The following GUCA1C variants were observed in gnomAD, a reference collection of about 807,000 sequenced individuals.
The protein encoded by GUCA1C is guanylate cyclase activator 1C.
GUCA1C carries 15 observed loss-of-function variants against 16.2 expected under a neutral mutation model. That is an observed-to-expected ratio of 0.93 (90% CI 0.62 to 1.43). The LOEUF (loss-of-function observed/expected upper bound fraction) is 1.43. Among genes scored for constraint, GUCA1C ranks in the 40% most tolerant of loss-of-function variants. The probability of loss-of-function intolerance (pLI) is 0.00; values close to 1 mark genes in which losing one functional copy is unlikely to be tolerated. For synonymous variants in GUCA1C, 78 were observed against 85.4 expected (o/e 0.91, Z 0.48); for missense variants, 275 against 244.8 (o/e 1.12, Z -0.82).
chr3:108,921,833 C>T (rs2107286223), intron 1 of GUCA1C, among the ~76,000 whole-genome samples: 1 of 152,118 alleles, frequency 6.6e-6, no homozygotes, highest in African/African-American at 2.4e-5. Flanking sequence ...CATTTGGTTA[C>T]ATGAATACGT....
chr3:108,914,084 T>C (rs902289386), intron 3 of GUCA1C, among the ~76,000 whole-genome samples: 14 of 152,132 alleles, frequency 9.2e-5, no homozygotes, highest in South Asian at 2.1e-4. Flanking sequence ...ATAATAATAG[T>C]AATACAAGTT....
intron 3 of GUCA1C, among the ~76,000 whole-genome samples, chr3:108,908,922 T>C (rs1433119939): frequency 6.6e-6 from 1 of 152,078 alleles, no homozygotes; most frequent in African/African-American, 2.4e-5. Context: ...GGATTATGAG[T>C]GTGTTCAAGT....
chr3:108,951,204 G>A (rs1356478644), intron 1 of GUCA1C, among the ~76,000 whole-genome samples: 1 of 152,024 alleles, frequency 6.6e-6, no homozygotes, highest in Non-Finnish European at 1.5e-5. Flanking sequence ...AACAAGTCTG[G>A]AGATTCATCA....
chr3:108,912,110 A>AATG (rs1946462001), intron 3 of GUCA1C, among the ~76,000 whole-genome samples: 3 of 146,378 alleles, frequency 2.0e-5, no homozygotes, highest in Non-Finnish European at 3.0e-5. Context: ...TCTCAATAAT[A>AATG]ATAATAATAA....
intron 1 of GUCA1C, among the ~76,000 whole-genome samples, chr3:108,944,812 G>A (rs1946827425): frequency 2.0e-5 from 3 of 152,182 alleles, no homozygotes; most frequent in South Asian, 2.1e-4. Context: ...GCCCGTTCTA[G>A]GGAAATGTGG....
intron 1 of GUCA1C, among the ~76,000 whole-genome samples, chr3:108,921,470 T>A (rs993322016): frequency 2.6e-5 from 4 of 152,194 alleles, no homozygotes; most frequent in African/African-American, 9.7e-5. Flanking sequence ...TCAGGGGATT[T>A]GGATGATATG....
chr3:108,950,410 C>G (rs1380631474), intron 1 of GUCA1C, among the ~76,000 whole-genome samples: 1 of 152,050 alleles, frequency 6.6e-6, no homozygotes, highest in Non-Finnish European at 1.5e-5. Flanking sequence ...GATATATACC[C>G]AGAAGTGAGA....
Position 108,916,154 on chromosome 3 carries a change from A to T in GUCA1C, c.415T>A (p.Phe139Ile). 3 of 1,613,112 alleles carry T rather than the reference A, an allele frequency of 1.9e-6. No individual in the cohort carries two copies. The highest frequency in any genetic ancestry group is 2.5e-6 in the Non-Finnish European group (3 of 1,179,094). Reference protein sequence around the residue: ...LSPEEFINLVFHKIDINNDGE... With the variant: ...LSPEEFINLVIHKIDINNDGE... ...TCATTGTTTATATCGATCTTATGGA[A>T]CACCAAGTTGATGAATTCTTCAGGA... Residue 139 changes from phenylalanine (F) to isoleucine (I), a missense_variant, in exon 3 of 4, where the codon TTC becomes ATC. Physicochemically the swap from Phe to Ile is conservative, Grantham distance 21 (BLOSUM62 0). Transcript: ENST00000261047.
At chr3:108,946,631 G>T (rs1004687170) in intron 1 of GUCA1C, among the ~76,000 whole-genome samples, 2 of 152,060 alleles carry the variant, frequency 1.3e-5, no homozygotes, top group African/African-American at 4.8e-5. Context: ...ATCTATTTAC[G>T]TTTCTATAGC....
intron 3 of GUCA1C, among the ~76,000 whole-genome samples, chr3:108,911,934 C>T (rs564226410): frequency 7.5e-4 from 114 of 151,908 alleles, no homozygotes; most frequent in African/African-American, 2.7e-3. Flanking sequence ...GGTGAAACCC[C>T]GTTTCTACTA....
At chr3:108,926,540 G>T (rs972303768) in intron 1 of GUCA1C, among the ~76,000 whole-genome samples, 1 of 152,224 alleles carries the variant, frequency 6.6e-6, no homozygotes, top group Non-Finnish European at 1.5e-5. Context: ...GAGTGCAGTG[G>T]CGTAATCTCA....
intron 1 of GUCA1C, among the ~76,000 whole-genome samples, chr3:108,932,784 G>T (rs1424747584): frequency 1.3e-5 from 2 of 152,022 alleles, no homozygotes; most frequent in Non-Finnish European, 2.9e-5. Context: ...AGCCGGGCGT[G>T]GCGGCGCATG....
chr3:108,934,304 C>G (rs145030340), intron 1 of GUCA1C, among the ~76,000 whole-genome samples: 1 of 152,150 alleles, frequency 6.6e-6, no homozygotes, highest in Non-Finnish European at 1.5e-5. Context: ...TGTAACAAAC[C>G]TGCATGCTTT....
At chr3:108,938,019 G>A (rs768315619) in intron 1 of GUCA1C, among the ~76,000 whole-genome samples, 5 of 151,488 alleles carry the variant, frequency 3.3e-5, no homozygotes, top group Non-Finnish European at 5.9e-5. Flanking sequence ...GCAGTGAGCC[G>A]AGATCGCACC....
intron 3 of GUCA1C, among the ~76,000 whole-genome samples, chr3:108,909,209 A>C (rs1400223846): frequency 2.0e-5 from 3 of 152,340 alleles, no homozygotes; most frequent in Admixed American, 2.0e-4. Context: ...TTTCAATGCA[A>C]AATGCTAAAA....
intron 1 of GUCA1C, among the ~76,000 whole-genome samples, chr3:108,922,781 T>C (rs1450440508): frequency 6.6e-6 from 1 of 152,092 alleles, no homozygotes; most frequent in Non-Finnish European, 1.5e-5. Context: ...CATCAACCCA[T>C]CATCTACATT....
chr3:108,922,692 C>CT (rs1253184447), intron 1 of GUCA1C, among the ~76,000 whole-genome samples: 2 of 151,996 alleles, frequency 1.3e-5, no homozygotes, highest in East Asian at 3.9e-4. Flanking sequence ...TATTATTATA[C>CT]TTTAAATTCT....
chr3:108,935,249 A>G (rs1379367372), intron 1 of GUCA1C, among the ~76,000 whole-genome samples: 1 of 152,062 alleles, frequency 6.6e-6, no homozygotes, highest in Non-Finnish European at 1.5e-5. Flanking sequence ...GGGTACTATA[A>G]TCACTATCCG....
chr3:108,944,622 T>C (rs1194019315), intron 1 of GUCA1C, among the ~76,000 whole-genome samples: 1 of 152,192 alleles, frequency 6.6e-6, no homozygotes, highest in Non-Finnish European at 1.5e-5. Context: ...CTCTCTCATA[T>C]ATAAGCCCCT....
Sources: allele counts gnomAD v4.1 joint callset (sites outside exome capture counted in the v4.1 genomes callset), GRCh38; gene constraint gnomAD v4.1.1; transcripts MANE v1.5; gene names NCBI Gene and HGNC (gene_info 2026-07-23, HGNC 2026-07-21).